The following DPP10 variants were observed in gnomAD, a reference collection of about 807,000 sequenced individuals.
DPP10 encodes dipeptidyl peptidase like 10.
DPP10 carries 33 observed loss-of-function variants against 120.9 expected under a neutral mutation model. The ratio of observed to expected loss-of-function variants is 0.27; its 90% CI spans 0.21 to 0.37. The LOEUF (loss-of-function observed/expected upper bound fraction) is 0.37, where lower values mean the gene tolerates loss of function less well. Among genes scored for constraint, DPP10 ranks in the 10% least tolerant of loss-of-function variants. The probability of loss-of-function intolerance (pLI) is 1.00; values close to 1 mark genes in which losing one functional copy is unlikely to be tolerated. For synonymous variants in DPP10, 337 were observed against 326.1 expected (o/e 1.03, Z -0.36); for missense variants, 816 against 942.8 (o/e 0.87, Z 1.76).
intron 1 of DPP10, among the ~76,000 whole-genome samples, chr2:114,532,724 T>C (rs749495869): frequency 3.9e-5 from 6 of 152,202 alleles, no homozygotes; most frequent in Non-Finnish European, 5.9e-5. Context: ...TTGCCACTAT[T>C]ACACAATGCC....
intron 1 of DPP10, among the ~76,000 whole-genome samples, chr2:114,498,128 C>T (rs1238019742): frequency 6.6e-6 from 1 of 152,158 alleles, no homozygotes; most frequent in African/African-American, 2.4e-5. Flanking sequence ...TTAAATCAAG[C>T]TAATTAACAT....
At chr2:115,833,535 A>G (rs1251968323) in intron 21 of DPP10, among the ~76,000 whole-genome samples, 1 of 152,180 alleles carries the variant, frequency 6.6e-6, no homozygotes, top group Non-Finnish European at 1.5e-5. Flanking sequence ...GGTTCAACGT[A>G]CCTAATCTGA....
At chr2:115,042,681 C>A (rs557314367) in intron 1 of DPP10, among the ~76,000 whole-genome samples, 2 of 152,322 alleles carry the variant, frequency 1.3e-5, no homozygotes, top group South Asian at 4.1e-4. Flanking sequence ...ATAGAGAGGA[C>A]AAATGAGCTA....
At chr2:115,572,210 C>A (rs925590557) in intron 5 of DPP10, among the ~76,000 whole-genome samples, 1 of 131,984 alleles carries the variant, frequency 7.6e-6, no homozygotes, top group Non-Finnish European at 1.6e-5. Flanking sequence ...TAAACACCCA[C>A]AAACATTTTT....
At chr2:114,526,072 A>G (rs539743294) in intron 1 of DPP10, among the ~76,000 whole-genome samples, 25 of 152,330 alleles carry the variant, frequency 1.6e-4, no homozygotes, top group Admixed American at 4.6e-4. Flanking sequence ...AAACAAAGTC[A>G]TATTTTATTG....
intron 1 of DPP10, among the ~76,000 whole-genome samples, chr2:114,450,702 C>T (rs970854487): frequency 6.7e-6 from 1 of 149,184 alleles, no homozygotes; most frequent in Non-Finnish European, 1.5e-5. Context: ...TGCTATTTCT[C>T]TTGAGGATAA....
At chr2:114,622,606 A>T (rs1233483999) in intron 1 of DPP10, among the ~76,000 whole-genome samples, 1 of 152,064 alleles carries the variant, frequency 6.6e-6, no homozygotes, top group African/African-American at 2.4e-5. Flanking sequence ...CATCAACTCT[A>T]GGGGTGAACA....
intron 3 of DPP10, among the ~76,000 whole-genome samples, chr2:115,494,220 G>A (rs577807041): frequency 5.3e-5 from 8 of 152,234 alleles, no homozygotes; most frequent in Middle Eastern, 3.4e-3. Context: ...TGGATTACAA[G>A]CATGAGCCAC....
chr2:114,518,952 G>A (rs923041197), intron 1 of DPP10, among the ~76,000 whole-genome samples: 8 of 152,138 alleles, frequency 5.3e-5, no homozygotes, highest in South Asian at 2.1e-4. Flanking sequence ...AGCCCTGAGC[G>A]ACTCCAGTTT....
intron 3 of DPP10, among the ~76,000 whole-genome samples, chr2:115,386,568 A>T (rs1314618040): frequency 6.6e-6 from 1 of 152,194 alleles, no homozygotes; most frequent in Non-Finnish European, 1.5e-5. Context: ...CTAACCATAG[A>T]TAATGGTCAG....
intron 5 of DPP10, among the ~76,000 whole-genome samples, chr2:115,619,881 TA>T (rs2084816048): frequency 6.6e-6 from 1 of 152,320 alleles, no homozygotes; most frequent in East Asian, 1.9e-4. Context: ...ACGAGTGATT[TA>T]AAAAATTTGG....
At chr2:115,114,138 C>T (rs2049375836) in intron 1 of DPP10, among the ~76,000 whole-genome samples, 1 of 152,092 alleles carries the variant, frequency 6.6e-6, no homozygotes, top group South Asian at 2.1e-4. Context: ...CAAACACTTA[C>T]TAGTGTCAGC....
At chr2:115,275,618 A>G (rs902668399) in intron 1 of DPP10, among the ~76,000 whole-genome samples, 5 of 151,948 alleles carry the variant, frequency 3.3e-5, no homozygotes, top group Admixed American at 6.6e-5. Flanking sequence ...TATAAAAATT[A>G]TATAGAAAAG....
chr2:115,090,547 C>T (rs374199949), intron 1 of DPP10, among the ~76,000 whole-genome samples: 103 of 152,264 alleles, frequency 6.8e-4, no homozygotes, highest in Admixed American at 1.5e-3. Context: ...AAGTCTGCTA[C>T]GTTCTCCAAC....
At chr2:115,795,945 C>G (rs1559163849) in intron 19 of DPP10, among the ~76,000 whole-genome samples, 2 of 152,090 alleles carry the variant, frequency 1.3e-5, no homozygotes, top group African/African-American at 2.4e-5. Context: ...CTTTTCCACT[C>G]TGCTGCTAGG....
chr2:115,530,165 ATCATT>A (rs2078374200), intron 5 of DPP10, among the ~76,000 whole-genome samples: 1 of 152,064 alleles, frequency 6.6e-6, no homozygotes, highest in Non-Finnish European at 1.5e-5. Context: ...ACCATTTTAT[ATCATT>A]TCATTTATTT....
chr2:115,406,602 T>C (rs1232396459), intron 3 of DPP10, among the ~76,000 whole-genome samples: 1 of 152,132 alleles, frequency 6.6e-6, no homozygotes, highest in Non-Finnish European at 1.5e-5. Context: ...TTTAAAAATC[T>C]GTACCATACA....
intron 1 of DPP10, among the ~76,000 whole-genome samples, chr2:115,162,567 G>T (rs2104978906): frequency 6.6e-6 from 1 of 152,150 alleles, no homozygotes; most frequent in East Asian, 1.9e-4. Flanking sequence ...GATGGGGGAA[G>T]AGTGTCCCAG....
intron 1 of DPP10, among the ~76,000 whole-genome samples, chr2:115,184,464 A>G (rs758532049): frequency 7.2e-5 from 11 of 152,204 alleles, no homozygotes; most frequent in Non-Finnish European, 1.5e-4. Context: ...GGACTTTTAC[A>G]AGACGATGGC....
Sources: gnomAD v4.1 joint callset for allele counts (sites outside exome capture counted in the v4.1 genomes callset) on GRCh38, gnomAD v4.1.1 for gene constraint, MANE v1.5 for transcripts, NCBI Gene and HGNC (gene_info 2026-07-23, HGNC 2026-07-21) for gene names.